The following RNASE12 variants were observed in gnomAD, a reference collection of about 807,000 sequenced individuals.
RNASE12 encodes ribonuclease A family member 12 (inactive).
For synonymous variants in RNASE12, 55 were observed against 59.8 expected, an observed-to-expected ratio of 0.92 and a Z score of 0.37; for missense variants, 161 against 177.6, an observed-to-expected ratio of 0.91 and a Z score of 0.53.
At chr14:20,590,471 T>G (rs752002494) in exon 1 of RNASE12, 5 of 1,614,232 alleles carry the variant, frequency 3.1e-6, no homozygotes, top group Non-Finnish European at 4.2e-6. Context: ...CAAGCAACCT[T>G]CTTGGGAGAA....
chr14:20,590,868 C>A, upstream of RNASE12: 1 of 1,458,434 alleles, frequency 6.9e-7, no homozygotes, highest in Non-Finnish European at 9.1e-7. Flanking sequence ...CTTCTCTCCA[C>A]TAATTAAAAT....
At chr14:20,590,202 G>T in exon 1 of RNASE12, 2 of 1,546,484 alleles carry the variant, frequency 1.3e-6, no homozygotes, top group South Asian at 2.5e-5. Flanking sequence ...CCATGTCCAC[G>T]GTCCAGGTCT....
upstream of RNASE12, chr14:20,591,024 G>A: frequency 1.0e-6 from 1 of 985,300 alleles, no homozygotes; most frequent in Non-Finnish European, 1.2e-6. Context: ...TTTGACAGCA[G>A]ATACCACATC....
exon 1 of RNASE12, chr14:20,590,354 A>T: frequency 1.2e-6 from 2 of 1,614,142 alleles, no homozygotes. Context: ...TCTGTGGGGG[A>T]ATAGTGGTAC....
At chr14:20,590,667 A>G (rs765450489) in exon 1 of RNASE12, 20 of 1,614,102 alleles carry the variant, frequency 1.2e-5, no homozygotes, top group Non-Finnish European at 1.7e-5. Context: ...CTGCTTCATC[A>G]TTCACCTCAT....
At chr14:20,590,393 T>C in exon 1 of RNASE12, 6 of 1,614,218 alleles carry the variant, frequency 3.7e-6, no homozygotes, top group Non-Finnish European at 5.1e-6. Context: ...GTGCCTTCAA[T>C]GAGCTGACAG....
chr14:20,590,216 TCAG>T, exon 1 of RNASE12: 2 of 1,581,382 alleles, frequency 1.3e-6, no homozygotes, highest in South Asian at 2.3e-5. Context: ...CAGGTCTGCC[TCAG>T]GCACAGCCAG....
chr14:20,591,374 T>C, upstream of RNASE12: 3 of 860,726 alleles, frequency 3.5e-6, no homozygotes, highest in Non-Finnish European at 4.2e-6. Flanking sequence ...TGTTGTTGAA[T>C]GTGGGGAGGG....
chr14:20,590,444 T>C (rs1884547326), exon 1 of RNASE12: 2 of 1,614,160 alleles, frequency 1.2e-6, no homozygotes, highest in South Asian at 1.1e-5. Flanking sequence ...AAGCAGAAAA[T>C]GGCCGAAAGG....
At chr14:20,590,102 T>C, downstream of RNASE12, 5 of 1,217,362 alleles carry the variant, frequency 4.1e-6, no homozygotes, top group South Asian at 3.4e-5. Flanking sequence ...AAGATTATTT[T>C]ATTGAAGCAG....
chr14:20,590,243 G>T, exon 1 of RNASE12: 10 of 1,602,976 alleles, frequency 6.2e-6, no homozygotes, highest in Non-Finnish European at 8.5e-6. Flanking sequence ...CAATGCCATT[G>T]AGAGAAGAGA....
At chr14:20,591,150 C>A, upstream of RNASE12, 1 of 985,224 alleles carries the variant, frequency 1.0e-6, no homozygotes, top group Non-Finnish European at 1.2e-6. Flanking sequence ...AACCTTAAAT[C>A]CACCCAATTG....
rs979740702 is a variant in RNASE12, at chr14:20,590,460, G to T, written c.264C>A (p.Cys88Ter). 12 of 1,614,076 alleles carry T rather than the reference G, an allele frequency of 7.4e-6. No homozygotes were observed. Among genetic ancestry groups the T allele is most frequent in the African/African-American group, 1.3e-5 (1 of 74,938 alleles). The change falls in exon 1 of 1, where the codon TGC (cysteine) becomes TGA (stop). Residue 88 changes from cysteine to a stop codon, truncating the protein, a stop_gained. Coordinates refer to ENST00000556526, the Ensembl canonical transcript of RNASE12. LOFTEE classifies it low-confidence loss of function (END_TRUNC). ...AGCAGAAAATGGCCGAAAGGTTTTG[G>T]CAAGCAACCTTCTTGGGAGAAATGC...
upstream of RNASE12, chr14:20,590,953 A>T (rs942059793): frequency 7.1e-7 from 1 of 1,402,270 alleles, no homozygotes; most frequent in African/African-American, 1.4e-5. Flanking sequence ...CAGCTCTCAG[A>T]GTTTGGTACT....
exon 1 of RNASE12, chr14:20,590,554 T>A: frequency 6.2e-7 from 1 of 1,614,260 alleles, no homozygotes; most frequent in South Asian, 1.1e-5. Context: ...GTGGTCAGGT[T>A]CCCTGATAAC....
At chr14:20,590,699 A>T (rs753112228) in exon 1 of RNASE12, 1 of 1,614,022 alleles carries the variant, frequency 6.2e-7, no homozygotes, top group South Asian at 1.1e-5. Context: ...AGAAGCACCA[A>T]GAAAATTATC....
At chr14:20,591,060 G>A (rs530755060), upstream of RNASE12, 225 of 984,896 alleles carry the variant, frequency 2.3e-4, 1 homozygote, top group Non-Finnish European at 7.6e-5. Context: ...CCTTCGAAGT[G>A]CTCAACACAG....
upstream of RNASE12, chr14:20,590,849 T>C (rs569246820): frequency 2.7e-6 from 4 of 1,476,572 alleles, no homozygotes; most frequent in African/African-American, 1.4e-5. Context: ...CCTTGGAATA[T>C]TTTATTTCCT....
chr14:20,590,488 A>T lies in RNASE12; in HGVS notation c.236T>A (p.Ile79Asn). 3 of 1,614,242 alleles carry T rather than the reference A, an allele frequency of 1.9e-6. No homozygotes were observed. Among genetic ancestry groups the T allele is most frequent in the Non-Finnish European group, 2.5e-6 (3 of 1,180,046 alleles). ...AGCAACCTTCTTGGGAGAAATGCAA[A>T]TACCATTGATTTTTCGAGGCCTCTC... The change falls in exon 1 of 1, where the codon ATT becomes AAT. Residue 79 changes from isoleucine to asparagine, a missense_variant. Ile to Asn is a moderately radical substitution (Grantham distance 149). Transcript: ENST00000556526.
Sources: gnomAD v4.1 joint callset for allele counts on GRCh38, gnomAD v4.1.1 for gene constraint, MANE v1.5 for transcripts, NCBI Gene and HGNC (gene_info 2026-07-23, HGNC 2026-07-21) for gene names.